Variants in SLC44A1 observed in about 807,000 individuals in gnomAD.
SLC44A1 encodes the protein choline transporter-like protein 1.
A neutral mutation model predicts 79.3 loss-of-function variants in SLC44A1; 26 were observed. The observed-to-expected ratio is 0.33, with a 90% CI of 0.24 to 0.46. SLC44A1 has a LOEUF of 0.46. SLC44A1 is among the 20% of genes least tolerant of loss of function. The pLI, the probability that SLC44A1 is intolerant of heterozygous loss-of-function variation, is 1.00. For missense variants in SLC44A1, 688 were observed against 798.1 expected (o/e 0.86, Z 1.66); for synonymous variants, 263 against 286.2 (o/e 0.92, Z 0.82).
chr9:105,255,990 T>G (rs757918644), intron 1 of SLC44A1, among the ~76,000 whole-genome samples: 1 of 152,186 alleles, frequency 6.6e-6, no homozygotes, highest in Non-Finnish European at 1.5e-5. Context: ...GTTTGAGTTT[T>G]GGAAAGGTAC....
At chr9:105,373,212 T>G (rs1458993963) in intron 12 of SLC44A1, among the ~76,000 whole-genome samples, 3 of 152,160 alleles carry the variant, frequency 2.0e-5, no homozygotes, top group Admixed American at 1.3e-4. Flanking sequence ...GCCCTTTATC[T>G]CCAACAGTTT....
intron 5 of SLC44A1, among the ~76,000 whole-genome samples, chr9:105,351,550 A>AGAAAGAG (rs1564452429): frequency 0.017 from 1,678 of 100,220 alleles, 30 homozygotes; most frequent in Non-Finnish European, 0.023. Context: ...GAAAGAAAGA[A>AGAAAGAG]AGAAAGAGAG....
In SLC44A1 at chr9:105,418,099, T is replaced by A. The variant is rs564043953; in HGVS notation, c.1951-20182T>A. 9.9e-4 allele frequency among the ~76,000 whole-genome samples: 150 copies of A among 152,068 alleles called. 1 individual carries two copies. Among genetic ancestry groups the A allele is most frequent in the African/African-American group, 3.4e-3 (143 of 41,528 alleles). ...GGGAGGCCGAGGCGGGCGGATCACCTGAGGTCAGGAGTTCAAGACCAGCCT... is the reference window on the plus strand; with the variant it reads ...GGGAGGCCGAGGCGGGCGGATCACCAGAGGTCAGGAGTTCAAGACCAGCCT... On this transcript the variant is annotated intron_variant, in intron 15 of 15. Coordinates refer to the SLC44A1 transcript ENST00000374724.
chr9:105,262,004 G>A (rs1829853855), intron 1 of SLC44A1, among the ~76,000 whole-genome samples: 2 of 151,730 alleles, frequency 1.3e-5, no homozygotes, highest in Admixed American at 1.3e-4. Context: ...GGGTGGTCTC[G>A]AACTCCTGAC....
chr9:105,314,264 A>G (rs1358998038), intron 3 of SLC44A1, among the ~76,000 whole-genome samples: 1 of 152,156 alleles, frequency 6.6e-6, no homozygotes, highest in African/African-American at 2.4e-5. Context: ...CTTCTATCAA[A>G]GATGCTCCCA....
intron 15 of SLC44A1, among the ~76,000 whole-genome samples, chr9:105,430,302 C>G (rs1408811742): frequency 1.3e-5 from 2 of 152,202 alleles, no homozygotes; most frequent in Non-Finnish European, 2.9e-5. Context: ...TATCATAACA[C>G]TGACCATTTT....
chr9:105,303,174 A>G (rs779294631), intron 2 of SLC44A1, among the ~76,000 whole-genome samples: 3 of 152,100 alleles, frequency 2.0e-5, no homozygotes, highest in Non-Finnish European at 2.9e-5. Flanking sequence ...GGATGGATAA[A>G]TAAAGCACCA....
At chr9:105,289,218 A>G (rs1285954955) in intron 1 of SLC44A1, among the ~76,000 whole-genome samples, 1 of 152,224 alleles carries the variant, frequency 6.6e-6, no homozygotes, top group Non-Finnish European at 1.5e-5. Flanking sequence ...TTTATGTGCT[A>G]ACTGCGGTAA....
At chr9:105,298,994 G>A (rs1588750813) in intron 1 of SLC44A1, among the ~76,000 whole-genome samples, 1 of 152,092 alleles carries the variant, frequency 6.6e-6, no homozygotes, top group Non-Finnish European at 1.5e-5. Flanking sequence ...ACTCAGTACC[G>A]GGCCTGGCCA....
In SLC44A1 at chr9:105,419,001, G is replaced by T. The variant is rs530250091; in HGVS notation, c.1951-19280G>T. 7.2e-5 allele frequency among the ~76,000 whole-genome samples: 11 copies of T among 152,252 alleles called. 1 individual carries two copies. Among genetic ancestry groups the T allele is most frequent in the African/African-American group, 2.4e-4 (10 of 41,538 alleles). ...CATCTACTCTTAATGTAACATCCTG[G>T]AAATGCCAAGATGTTGGCAGATTGT... On this transcript the variant is annotated intron_variant, in intron 15 of 15. Transcript: ENST00000374724.
At chr9:105,261,614 C>A (rs1390764272) in intron 1 of SLC44A1, among the ~76,000 whole-genome samples, 2 of 152,066 alleles carry the variant, frequency 1.3e-5, no homozygotes, top group African/African-American at 4.8e-5. Context: ...TGGTTCTGTT[C>A]AATGTTCATG....
At chr9:105,333,104 A>G (rs1159519348) in intron 3 of SLC44A1, among the ~76,000 whole-genome samples, 1 of 152,222 alleles carries the variant, frequency 6.6e-6, no homozygotes, top group Non-Finnish European at 1.5e-5. Flanking sequence ...GTTTTAAGGT[A>G]TAAAAGAAGT....
intron 1 of SLC44A1, among the ~76,000 whole-genome samples, chr9:105,265,132 C>T (rs1252948412): frequency 2.0e-5 from 3 of 152,140 alleles, no homozygotes; most frequent in Non-Finnish European, 2.9e-5. Flanking sequence ...TTATCTGGAT[C>T]CCATGTGCTT....
At chr9:105,301,060 G>A (rs1254516702) in intron 2 of SLC44A1, among the ~76,000 whole-genome samples, 2 of 152,128 alleles carry the variant, frequency 1.3e-5, no homozygotes, top group African/African-American at 4.8e-5. Context: ...GTGAGCCACC[G>A]CACCCTGCCA....
At chr9:105,309,520 TA>T (rs1831119997) in intron 2 of SLC44A1, among the ~76,000 whole-genome samples, 1 of 152,188 alleles carries the variant, frequency 6.6e-6, no homozygotes, top group East Asian at 1.9e-4. Flanking sequence ...TTTGTTTTGT[TA>T]TGGTAGTAAA....
At position 105,394,709 on chromosome 9, in the gene SLC44A1, T is replaced by C; in HGVS notation, c.*5653T>C. 1 of 985,404 alleles carries C rather than the reference T, an allele frequency of 1.0e-6. No homozygotes were observed. Among genetic ancestry groups the C allele is most frequent in the South Asian group, 4.7e-5 (1 of 21,284 alleles). The allele number at this position is 985,404 out of a possible 1,614,324, so 61.0% of individuals were successfully genotyped here. ...ACAACAGTTGAAGATGATGATAAAT[T>C]AGCAAACTCAAGGGTAGTCCATAGT... On this transcript the variant is annotated 3_prime_UTR_variant, in exon 16 of 16. Transcript: ENST00000374720.
At chr9:105,352,134 A>G (rs1489283753) in intron 5 of SLC44A1, among the ~76,000 whole-genome samples, 4 of 152,202 alleles carry the variant, frequency 2.6e-5, no homozygotes, top group African/African-American at 9.6e-5. Flanking sequence ...AAATGTTTTA[A>G]AAAGGGTGAA....
At chr9:105,360,894 G>A (rs531598516) in intron 7 of SLC44A1, among the ~76,000 whole-genome samples, 8 of 152,218 alleles carry the variant, frequency 5.3e-5, no homozygotes, top group South Asian at 2.1e-4. Flanking sequence ...TTCCTGTCAG[G>A]GGTGTATGTT....
At chr9:105,258,557 C>T (rs1829764256) in intron 1 of SLC44A1, among the ~76,000 whole-genome samples, 1 of 152,214 alleles carries the variant, frequency 6.6e-6, no homozygotes, top group Admixed American at 6.5e-5. Context: ...AGTTCCAAGC[C>T]TGTGCACTTC....
Sources: allele counts gnomAD v4.1 joint callset (sites outside exome capture counted in the v4.1 genomes callset), GRCh38; gene constraint gnomAD v4.1.1; transcripts MANE v1.5; gene names NCBI Gene and HGNC (gene_info 2026-07-23, HGNC 2026-07-21).